The following SLC12A9 variants were observed in gnomAD, a reference collection of about 807,000 sequenced individuals.
The protein encoded by SLC12A9 is solute carrier family 12 member 9.
A neutral mutation model predicts 66.0 loss-of-function variants in SLC12A9; 55 were observed. The observed-to-expected ratio is 0.83, with a 90% confidence interval of 0.67 to 1.04. The LOEUF is 1.04. SLC12A9 is among the 50% of genes least tolerant of loss of function. SLC12A9 has a pLI of 0.00. For synonymous variants in SLC12A9, 577 were observed against 569.0 expected (o/e 1.01, Z -0.20); for missense variants, 1,061 against 1,241.9 (o/e 0.85, Z 2.19).
At chr7:100,863,354 C>T (rs1281231253) in intron 13 of SLC12A9, among the ~76,000 whole-genome samples, 2 of 149,568 alleles carry the variant, frequency 1.3e-5, no homozygotes, top group Non-Finnish European at 3.0e-5. Flanking sequence ...GCATGTACCA[C>T]TGTGCCCAGC....
At position 100,866,892 on chromosome 7, in the gene SLC12A9, T is replaced by G. The variant is rs1815130282; in HGVS notation, c.*287T>G. 2.6e-6 allele frequency: 1 copy of G among 381,276 alleles called. No individual in the cohort carries two copies. The highest frequency in any genetic ancestry group is 4.1e-5 in the East Asian group (1 of 24,678). The allele number at this position is 381,276 out of a possible 1,614,324, so 23.6% of individuals were successfully genotyped here. On this transcript the variant is annotated 3_prime_UTR_variant, in exon 14 of 14. Coordinates refer to ENST00000354161, the MANE Select transcript of SLC12A9 (RefSeq NM_020246.4). The surrounding 1 kb of genome is among the most constrained non-coding windows in gnomAD (Gnocchi z 7.3). The stretch of plus-strand genomic sequence containing the variant: ...CTAGGGGCCAGGCCTCCTCTGTGAC[T>G]CTGGGCTACCTCAGTTTCCCCATTT...
upstream of SLC12A9, among the ~76,000 whole-genome samples, chr7:100,852,025 C>T (rs1446129215): frequency 1.3e-5 from 2 of 152,104 alleles, no homozygotes; most frequent in African/African-American, 4.8e-5. Context: ...TATGAGGACG[C>T]GTTGGCAGGT....
At chr7:100,838,456 A>G (rs191815738) in intron 1 of SLC12A9, among the ~76,000 whole-genome samples, 265 of 152,322 alleles carry the variant, frequency 1.7e-3, no homozygotes, top group Non-Finnish European at 3.2e-3. Flanking sequence ...GAGAGGCCAC[A>G]TTACAGGCAT....
chr7:100,839,871 T>G (rs1813747102), intron 1 of SLC12A9, among the ~76,000 whole-genome samples: 1 of 151,312 alleles, frequency 6.6e-6, no homozygotes, highest in South Asian at 2.1e-4. Flanking sequence ...TGAAACCCCT[T>G]CTCTACTAAA....
Position 100,861,873 on chromosome 7 carries a change from G to A in SLC12A9, c.1673G>A (p.Gly558Glu), listed in dbSNP as rs745538841. The A allele has an allele frequency of 2.2e-5, 35 of 1,612,934 alleles. No individual in the cohort carries two copies. The highest frequency in any genetic ancestry group is 4.0e-5 in the African/African-American group (3 of 74,894). Residue 558 changes from glycine (G) to glutamate (E), a missense_variant, in exon 12 of 14, where the codon GGG (glycine) becomes GAG (glutamate). Transcript: ENST00000354161. The surrounding 1 kb of genome is among the most constrained non-coding windows in gnomAD (Gnocchi z 5.3). Reference sequence around the variant, plus strand: ...TTGGCCAACCAGCTTAAGAAGGGGGGGCTGTATGTGCTGGGCCACGTCACC... The same window carrying A: ...TTGGCCAACCAGCTTAAGAAGGGGGAGCTGTATGTGCTGGGCCACGTCACC... ...LRLANQLKKG[G>E]LYVLGHVTLG... is the part of the protein sequence containing the mutation.
chr7:100,847,448 C>T (rs1813942706), intron 1 of SLC12A9, among the ~76,000 whole-genome samples: 1 of 152,294 alleles, frequency 6.6e-6, no homozygotes, highest in African/African-American at 2.4e-5. Flanking sequence ...AGGTGGCACC[C>T]ATCGGGAATG....
chr7:100,859,826 G>A (rs1814630201), intron 7 of SLC12A9, 59 bp from the exon 8 acceptor site: 2 of 1,546,470 alleles, frequency 1.3e-6, no homozygotes, highest in African/African-American at 1.4e-5. Context: ...GATCGGGGCT[G>A]GAGATTTTCT....
At chr7:100,837,999 T>G (rs1349588487) in intron 1 of SLC12A9, among the ~76,000 whole-genome samples, 2 of 151,912 alleles carry the variant, frequency 1.3e-5, no homozygotes, top group Non-Finnish European at 2.9e-5. Flanking sequence ...TAGCTGGGAC[T>G]GCAGGCGCCC....
chr7:100,845,160 G>A (rs1400074327), intron 1 of SLC12A9, among the ~76,000 whole-genome samples: 1 of 151,216 alleles, frequency 6.6e-6, no homozygotes, highest in Admixed American at 6.6e-5. Context: ...CTGCATGGTG[G>A]ACTTCAAACC....
At chr7:100,860,659 C>T (rs1814691682) in intron 9 of SLC12A9, 2 of 366,898 alleles carry the variant, frequency 5.5e-6, no homozygotes, top group South Asian at 2.2e-5. Flanking sequence ...GTGCATTGGC[C>T]CTTTCTGGGG....
Position 100,865,757 on chromosome 7 carries a change from G to C in SLC12A9, c.1897G>C (p.Asp633His), listed in dbSNP as rs758697064. Residue 633 changes from aspartate (D) to histidine (H), a missense_variant, in exon 14 of 14, where the codon GAT becomes CAT. Physicochemically the swap from Asp to His is moderately conservative, Grantham distance 81. Coordinates refer to ENST00000354161, the MANE Select transcript of SLC12A9 (RefSeq NM_020246.4). ...CAACACGTTGGTCCTAGGTTTCTAC[G>C]ATGACGCTCCACCGCAGGACCATTT... ...KPNTLVLGFYDDAPPQDHFLT... is the reference protein window; with the variant it reads ...KPNTLVLGFYHDAPPQDHFLT... The C allele has an allele frequency of 6.2e-7, 1 of 1,613,598 alleles. No homozygotes were observed.
chr7:100,846,116 T>C (rs536908009), intron 1 of SLC12A9, among the ~76,000 whole-genome samples: 150 of 152,324 alleles, frequency 9.8e-4, no homozygotes, highest in Middle Eastern at 3.4e-3. Flanking sequence ...CACATGTGCC[T>C]AGGCAAGTGT....
exon 1 of SLC12A9, chr7:100,826,957 C>T (rs1333455758): frequency 6.5e-7 from 1 of 1,538,688 alleles, no homozygotes; most frequent in Admixed American, 2.0e-5. Flanking sequence ...CGGGGTGCGC[C>T]CCCCCCCGCA....
At chr7:100,856,035 C>A in intron 4 of SLC12A9, 198 bp downstream of exon 4, 4 of 714,986 alleles carry the variant, frequency 5.6e-6, no homozygotes, top group Non-Finnish European at 8.1e-6. Flanking sequence ...GGGAGCTAAC[C>A]ATCTAATCGG....
At chr7:100,835,781 G>C (rs541505063) in intron 1 of SLC12A9, among the ~76,000 whole-genome samples, 1 of 152,358 alleles carries the variant, frequency 6.6e-6, no homozygotes, top group African/African-American at 2.4e-5. Context: ...GCTCTTGAGT[G>C]CTGTTGGAAT....
At chr7:100,834,979 C>T (rs909361266) in intron 1 of SLC12A9, among the ~76,000 whole-genome samples, 2 of 151,764 alleles carry the variant, frequency 1.3e-5, no homozygotes, top group Admixed American at 6.6e-5. Context: ...TGCAGTGAGC[C>T]GCCGTGATCA....
chr7:100,834,466 G>T (rs1813603310), intron 1 of SLC12A9, among the ~76,000 whole-genome samples: 1 of 152,164 alleles, frequency 6.6e-6, no homozygotes, highest in African/African-American at 2.4e-5. Flanking sequence ...AATGAAGACT[G>T]AAGGCGGGGA....
At position 100,857,014 on chromosome 7, in the gene SLC12A9, C is replaced by G; in HGVS notation, c.595C>G (p.Leu199Val). The change falls in exon 5 of 14, where the codon CTG (leucine) becomes GTG (valine). Residue 199 changes from leucine to valine, a missense_variant. Leu to Val is a conservative substitution (Grantham distance 32). Coordinates refer to ENST00000354161, the MANE Select transcript of SLC12A9 (RefSeq NM_020246.4). ...CCGGGCCTCATTCCTCACATTCCTG[C>G]TGGTCTCTGGCTCCCTGGCCTCTGT... ...YARASFLTFL[L>V]VSGSLASVLI... The G allele has an allele frequency of 1.2e-6, 2 of 1,614,184 alleles. No individual in the cohort carries two copies. The highest frequency in any genetic ancestry group is 1.7e-6 in the Non-Finnish European group (2 of 1,180,024).
At chr7:100,856,805 C>A in intron 4 of SLC12A9, 63 bp from the exon 5 acceptor site, 4 of 1,471,830 alleles carry the variant, frequency 2.7e-6, no homozygotes, top group South Asian at 1.3e-5. Context: ...AGCCGCCCAC[C>A]ATGCCCGGCT....
Sources: gnomAD v4.1 joint callset for allele counts (sites outside exome capture counted in the v4.1 genomes callset) on GRCh38, gnomAD v4.1.1 for gene constraint, Gnocchi (gnomAD v3.1) non-coding constraint, MANE v1.5 for transcripts, NCBI Gene and HGNC (gene_info 2026-07-23, HGNC 2026-07-21) for gene names.